Variants in FAM120B observed in about 807,000 individuals in gnomAD.
The protein encoded by FAM120B is family with sequence similarity 120 member B, also known as constitutive coactivator of peroxisome proliferator-activated receptor gamma.
Under a neutral mutation model 96.3 loss-of-function variants are expected in FAM120B, and 83 were observed. The observed-to-expected ratio is 0.86, with a 90% CI of 0.72 to 1.03. FAM120B has a LOEUF of 1.03. Ranked by LOEUF, FAM120B falls within the 50% of genes least tolerant of loss-of-function variation. The probability of loss-of-function intolerance (pLI) is 0.00; values close to 1 mark genes in which losing one functional copy is unlikely to be tolerated. For synonymous variants in FAM120B, 407 were observed against 402.7 expected (o/e 1.01, Z -0.13); for missense variants, 1,027 against 1,121.2 (o/e 0.92, Z 1.20).
intron 6 of FAM120B, among the ~76,000 whole-genome samples, chr6:170,379,221 A>C (rs1001326346): frequency 2.0e-5 from 3 of 152,232 alleles, no homozygotes; most frequent in African/African-American, 4.8e-5. Flanking sequence ...TTCTAACTGA[A>C]GTTTATCATT....
chr6:170,312,715 T>C (rs1324555709), intron 1 of FAM120B, among the ~76,000 whole-genome samples: 1 of 129,896 alleles, frequency 7.7e-6, no homozygotes, highest in Non-Finnish European at 1.7e-5. Context: ...GGTGCCGATG[T>C]TAAAATTCTA....
At chr6:170,322,779 G>A (rs532845766) in intron 2 of FAM120B, among the ~76,000 whole-genome samples, 1 of 152,234 alleles carries the variant, frequency 6.6e-6, no homozygotes, top group South Asian at 2.1e-4. Flanking sequence ...TAGCAATACT[G>A]GTGAGAAGTA....
chr6:170,339,381 GATTCC>G (rs1786659060), intron 4 of FAM120B, among the ~76,000 whole-genome samples: 1 of 151,906 alleles, frequency 6.6e-6, no homozygotes, highest in Non-Finnish European at 1.5e-5. Context: ...GTTCCAAAAT[GATTCC>G]ATTCCATTCT....
intron 1 of FAM120B, among the ~76,000 whole-genome samples, chr6:170,312,827 A>T (rs1363657578): frequency 6.6e-6 from 1 of 152,230 alleles, no homozygotes; most frequent in Non-Finnish European, 1.5e-5. Context: ...GGGGATTTAC[A>T]ACCAAGGAGC....
At chr6:170,298,548 A>G (rs1334627347) in intron 1 of FAM120B, among the ~76,000 whole-genome samples, 1 of 151,744 alleles carries the variant, frequency 6.6e-6, no homozygotes, top group South Asian at 2.1e-4. Context: ...CCTTTTAGTA[A>G]AATGGGAACT....
At chr6:170,331,922 C>T (rs568112769) in intron 4 of FAM120B, among the ~76,000 whole-genome samples, 72 of 152,352 alleles carry the variant, frequency 4.7e-4, no homozygotes, top group Non-Finnish European at 9.1e-4. Context: ...ACATGGAGGG[C>T]CACGTCTCAA....
At chr6:170,299,696 G>A (rs1312395531) in intron 1 of FAM120B, among the ~76,000 whole-genome samples, 1 of 152,238 alleles carries the variant, frequency 6.6e-6, no homozygotes, top group Non-Finnish European at 1.5e-5. Flanking sequence ...GCTAGAACAG[G>A]ACACTTTTGG....
At chr6:170,367,250 G>T (rs1210392539) in intron 6 of FAM120B, among the ~76,000 whole-genome samples, 3 of 152,174 alleles carry the variant, frequency 2.0e-5, no homozygotes, top group African/African-American at 7.2e-5. Context: ...TCAACCAGGG[G>T]TTACCAGACT....
At chr6:170,391,987 CCT>C (rs1461847374) in intron 8 of FAM120B, among the ~76,000 whole-genome samples, 1 of 152,144 alleles carries the variant, frequency 6.6e-6, no homozygotes, top group Non-Finnish European at 1.5e-5. Flanking sequence ...AGCTTGTTCC[CCT>C]GTTTGGAGCT....
intron 1 of FAM120B, among the ~76,000 whole-genome samples, chr6:170,315,668 T>C (rs934547736): frequency 1.3e-5 from 2 of 152,232 alleles, no homozygotes; most frequent in African/African-American, 4.8e-5. Flanking sequence ...ATAAAATGTG[T>C]GCTATTTATG....
At chr6:170,396,205 T>C (rs1424958028) in intron 9 of FAM120B, among the ~76,000 whole-genome samples, 3 of 152,354 alleles carry the variant, frequency 2.0e-5, no homozygotes, top group African/African-American at 4.8e-5. Flanking sequence ...ATTTATGATA[T>C]CTGTGACTTT....
chr6:170,339,074 G>A (rs1172898912), intron 4 of FAM120B, among the ~76,000 whole-genome samples: 2 of 152,026 alleles, frequency 1.3e-5, no homozygotes, highest in Non-Finnish European at 2.9e-5. Context: ...TGGTTATTTT[G>A]CACATTAGTT....
chr6:170,325,535 T>TAAAAA (rs5881868), intron 3 of FAM120B, among the ~76,000 whole-genome samples: 1 of 139,186 alleles, frequency 7.2e-6, no homozygotes, highest in Admixed American at 7.2e-5. Context: ...GATTTACCTT[T>TAAAAA]AAAAAAAAAA....
At chr6:170,314,179 G>A (rs1784760464) in intron 1 of FAM120B, among the ~76,000 whole-genome samples, 1 of 152,252 alleles carries the variant, frequency 6.6e-6, no homozygotes, top group African/African-American at 2.4e-5. Context: ...GCCTCCAGCT[G>A]TACCTTATGC....
rs559920055 is a variant in FAM120B, at chr6:170,295,593, G to T, written c.48+140G>T. On this transcript the variant is annotated intron_variant, in intron 1 of 10. Transcript: ENST00000537664. This position sits in a 1 kb window ranked among gnomAD's most constrained non-coding sequence, Gnocchi z 7.8. ...GGGGGCACAAGAACAGCAGCCGGGG[G>T]CGAAGGAATCAGCCCCGCAGCGGCT... The T allele has an allele frequency of 7.5e-5, 41 of 549,058 alleles. No individual in the cohort carries two copies. Among genetic ancestry groups the T allele is most frequent in the Non-Finnish European group, 1.0e-4 (33 of 314,994 alleles). The allele number at this position is 549,058 out of a possible 1,614,324, so 34.0% of individuals were successfully genotyped here. A position where few individuals can be genotyped will look rare whatever the true frequency, so the allele number is the denominator to read the frequency against.
At chr6:170,398,053 G>C (rs1157969187) in intron 9 of FAM120B, among the ~76,000 whole-genome samples, 2 of 152,264 alleles carry the variant, frequency 1.3e-5, no homozygotes, top group Non-Finnish European at 1.5e-5. Context: ...AGAGTCCACA[G>C]TCCAGATGGG....
At chr6:170,349,775 A>C (rs1328749536) in intron 5 of FAM120B, among the ~76,000 whole-genome samples, 6 of 152,170 alleles carry the variant, frequency 3.9e-5, no homozygotes, top group African/African-American at 1.4e-4. Context: ...AGGAATGAAA[A>C]GGGGCAAGTG....
chr6:170,309,031 G>A (rs903246434), intron 1 of FAM120B, among the ~76,000 whole-genome samples: 6 of 152,166 alleles, frequency 3.9e-5, no homozygotes, highest in African/African-American at 1.4e-4. Context: ...TTAAGAAAAG[G>A]TTGATGTTAA....
At chr6:170,354,758 CAA>C (rs1458862006) in intron 5 of FAM120B, among the ~76,000 whole-genome samples, 1 of 129,136 alleles carries the variant, frequency 7.7e-6, no homozygotes, top group Non-Finnish European at 1.6e-5. Context: ...CCCGTCTCTA[CAA>C]AAAAAAAGAA....
Sources: allele counts gnomAD v4.1 joint callset (sites outside exome capture counted in the v4.1 genomes callset), GRCh38; gene constraint gnomAD v4.1.1; non-coding constraint Gnocchi (gnomAD v3.1); transcripts MANE v1.5; gene names NCBI Gene and HGNC (gene_info 2026-07-23, HGNC 2026-07-21).